The following DZANK1 variants were observed in gnomAD, a reference collection of about 807,000 sequenced individuals.
DZANK1 encodes the protein double zinc ribbon and ankyrin repeat domains 1, also known as double zinc ribbon and ankyrin repeat-containing protein 1.
A neutral mutation model predicts 94.5 loss-of-function variants in DZANK1; 91 were observed. That is an observed-to-expected ratio of 0.96 (90% confidence interval 0.81 to 1.15). The LOEUF (loss-of-function observed/expected upper bound fraction) is 1.15. Among genes scored for constraint, DZANK1 ranks in the 50% most tolerant of loss-of-function variants. The probability of loss-of-function intolerance (pLI) is 0.00; values close to 1 mark genes in which losing one functional copy is unlikely to be tolerated. For missense variants in DZANK1, 903 were observed against 916.4 expected (o/e 0.99, Z 0.19); for synonymous variants, 312 against 325.3 (o/e 0.96, Z 0.44).
intron 10 of DZANK1, among the ~76,000 whole-genome samples, chr20:18,425,642 A>G (rs1344684105): frequency 6.6e-6 from 1 of 152,234 alleles, no homozygotes; most frequent in Admixed American, 6.5e-5. Flanking sequence ...CCTAACTCTC[A>G]GTACCTCAGA....
intron 13 of DZANK1, among the ~76,000 whole-genome samples, chr20:18,400,978 C>A (rs1183367587): frequency 6.6e-6 from 1 of 152,020 alleles, no homozygotes; most frequent in Non-Finnish European, 1.5e-5. Context: ...CTCTTGTCAC[C>A]CAGGCTGGAG....
intron 17 of DZANK1, 131 bp from the exon 18 acceptor site, chr20:18,390,590 G>C (rs1290760365): frequency 1.3e-6 from 1 of 782,396 alleles, no homozygotes; most frequent in Non-Finnish European, 2.1e-6. Context: ...GTGAGTGTGT[G>C]AGTGGTCTTT....
intron 13 of DZANK1, 99 bp from the exon 14 acceptor site, chr20:18,398,725 C>T: frequency 1.8e-6 from 2 of 1,135,938 alleles, no homozygotes; most frequent in South Asian, 1.4e-5. Flanking sequence ...GGTTAATTTC[C>T]TTTGTCAAAC....
intron 3 of DZANK1, among the ~76,000 whole-genome samples, chr20:18,458,851 G>A (rs956583373): frequency 1.3e-5 from 2 of 152,070 alleles, no homozygotes; most frequent in African/African-American, 4.8e-5. Flanking sequence ...CACCCCAGCT[G>A]GCCCTTCCTT....
chr20:18,466,404 T>C (rs2059655412), intron 1 of DZANK1, among the ~76,000 whole-genome samples: 1 of 152,200 alleles, frequency 6.6e-6, no homozygotes, highest in Non-Finnish European at 1.5e-5. Context: ...TCACAGACTG[T>C]ATTCTCAAAA....
At chr20:18,434,496 G>T (rs1213835291) in intron 8 of DZANK1, among the ~76,000 whole-genome samples, 2 of 136,548 alleles carry the variant, frequency 1.5e-5, no homozygotes, top group East Asian at 4.5e-4. Context: ...AGTGAGCCGA[G>T]ATCGCCTCAC....
chr20:18,393,683 T>A (rs1436547168), intron 17 of DZANK1, 28 bp downstream of exon 17: 2 of 1,448,174 alleles, frequency 1.4e-6, no homozygotes, highest in Non-Finnish European at 1.9e-6. Flanking sequence ...GAAGACAACA[T>A]CCACAAGGAC....
intron 7 of DZANK1, among the ~76,000 whole-genome samples, chr20:18,447,899 A>C (rs1343768339): frequency 6.6e-6 from 1 of 152,178 alleles, no homozygotes; most frequent in African/African-American, 2.4e-5. Context: ...TTCTTAAAAA[A>C]ATATATACCT....
chr20:18,452,135 G>A (rs1304188469), intron 6 of DZANK1, among the ~76,000 whole-genome samples: 4 of 150,658 alleles, frequency 2.7e-5, no homozygotes, highest in African/African-American at 7.3e-5. Context: ...AATTTCTGAC[G>A]CTAAACCTTG....
At chr20:18,419,096 T>C (rs547916953) in intron 10 of DZANK1, among the ~76,000 whole-genome samples, 2 of 152,220 alleles carry the variant, frequency 1.3e-5, no homozygotes, top group East Asian at 3.9e-4. Context: ...TCCTCGTTTC[T>C]ACTGAAAATA....
chr20:18,426,925 T>C (rs758516149), intron 10 of DZANK1, 142 bp downstream of exon 10: 3 of 461,994 alleles, frequency 6.5e-6, no homozygotes, highest in Non-Finnish European at 1.1e-5. Context: ...TCCCCACATA[T>C]GGAAATCTTG....
intron 2 of DZANK1, among the ~76,000 whole-genome samples, chr20:18,464,455 A>G (rs1450857168): frequency 6.6e-6 from 1 of 152,100 alleles, no homozygotes; most frequent in Non-Finnish European, 1.5e-5. Context: ...ATTTATCCTC[A>G]CAATGGCTCT....
rs75610827 is a variant in DZANK1, at chr20:18,415,447, C to T, written c.957G>A (p.Ser319=). 3.8e-3 allele frequency: 5,724 copies of T among 1,505,414 alleles called. 110 individuals are homozygous for T. The South Asian group carries it at 0.039, about 10-fold the overall frequency. The allele number at this position is 1,505,414 out of a possible 1,614,324, so 93.3% of individuals were successfully genotyped here. A position where few individuals can be genotyped will look rare whatever the true frequency, so the allele number is the denominator to read the frequency against. The change falls in exon 11 of 21, where the codon TCG becomes TCA. Residue 319 remains serine, a splice_region_variant and synonymous_variant. Transcript: ENST00000262547. ...GAGGGGCTTTATCCCCACTGCACAT[C>T]GACTGGTGAATGAAATGGCATTTAA...
chr20:18,445,826 G>A (rs1283032326), intron 7 of DZANK1, among the ~76,000 whole-genome samples: 3 of 152,114 alleles, frequency 2.0e-5, no homozygotes, highest in South Asian at 2.1e-4. Flanking sequence ...GCATGATCTC[G>A]GCTCACTGCA....
chr20:18,462,368 C>T (rs6081152), intron 2 of DZANK1, among the ~76,000 whole-genome samples: 3 of 151,912 alleles, frequency 2.0e-5, no homozygotes, highest in Non-Finnish European at 4.4e-5. Context: ...AGCAAGCAGA[C>T]GAAGGGGCAG....
chr20:18,451,815 A>G, intron 6 of DZANK1: 2 of 508,530 alleles, frequency 3.9e-6, no homozygotes, highest in Non-Finnish European at 3.9e-6. Flanking sequence ...TATCCTGACC[A>G]CCTCTACAAC....
chr20:18,409,841 G>C (rs549830808), intron 13 of DZANK1, among the ~76,000 whole-genome samples: 1 of 152,160 alleles, frequency 6.6e-6, no homozygotes, highest in Non-Finnish European at 1.5e-5. Context: ...AGGCCAAGGC[G>C]GGTGGATCAC....
At chr20:18,440,972 C>A (rs1424685348) in intron 8 of DZANK1, among the ~76,000 whole-genome samples, 3 of 152,148 alleles carry the variant, frequency 2.0e-5, no homozygotes, top group African/African-American at 4.8e-5. Flanking sequence ...ATCAATATAA[C>A]CCTGGAGCTA....
chr20:18,462,651 A>G (rs1601204567), intron 2 of DZANK1, among the ~76,000 whole-genome samples: 1 of 152,332 alleles, frequency 6.6e-6, no homozygotes, highest in South Asian at 2.1e-4. Flanking sequence ...ATTGGCAGGG[A>G]TGTAAGTTAA....
Sources: allele counts gnomAD v4.1 joint callset (sites outside exome capture counted in the v4.1 genomes callset), GRCh38; gene constraint gnomAD v4.1.1; transcripts MANE v1.5; gene names NCBI Gene and HGNC (gene_info 2026-07-23, HGNC 2026-07-21).